Variants in C8orf89 observed in about 807,000 individuals in gnomAD.
The protein encoded by C8orf89 is putative uncharacterized protein C8orf89.
A neutral mutation model predicts 15.8 loss-of-function variants in C8orf89; 14 were observed. The observed-to-expected ratio is 0.89, with a 90% CI of 0.59 to 1.39. The LOEUF (loss-of-function observed/expected upper bound fraction) is 1.39. Among genes scored for constraint, C8orf89 ranks in the 40% most tolerant of loss-of-function variants. The pLI is 0.00. For missense variants in C8orf89, 181 were observed against 184.5 expected (o/e 0.98, Z 0.11); for synonymous variants, 55 against 62.2 (o/e 0.88, Z 0.54).
chr8:73,254,942 C>T (rs529650230), intron 2 of C8orf89, among the ~76,000 whole-genome samples: 1 of 152,274 alleles, frequency 6.6e-6, no homozygotes, highest in South Asian at 2.1e-4. Flanking sequence ...TGGATCCCTT[C>T]CTTACACCTT....
chr8:73,259,922 C>T (rs1813491532), upstream of C8orf89, among the ~76,000 whole-genome samples: 1 of 152,152 alleles, frequency 6.6e-6, no homozygotes, highest in Admixed American at 6.5e-5. Context: ...AAGACTACAT[C>T]CAAAGAGTAC....
chr8:73,281,313 TAGAAA>T, the C8orf89 span, among the ~76,000 whole-genome samples: 1 of 152,050 alleles, frequency 6.6e-6, no homozygotes, highest in Non-Finnish European at 1.5e-5. Context: ...TTTCTTATAA[TAGAAA>T]AGAGAATGAA....
intron 2 of C8orf89, among the ~76,000 whole-genome samples, chr8:73,250,910 T>C (rs1186213744): frequency 2.0e-5 from 3 of 151,982 alleles, no homozygotes; most frequent in African/African-American, 7.3e-5. Context: ...GCAATTTTCC[T>C]GCGTCAGCTT....
At chr8:73,285,929 C>T in the C8orf89 span, among the ~76,000 whole-genome samples, 3 of 152,310 alleles carry the variant, frequency 2.0e-5, no homozygotes, top group Non-Finnish European at 4.4e-5. Flanking sequence ...GAGGCTGCAG[C>T]GCTGCCTGCC....
the C8orf89 span, among the ~76,000 whole-genome samples, chr8:73,278,721 A>G: frequency 1.3e-5 from 2 of 152,178 alleles, no homozygotes; most frequent in Admixed American, 6.5e-5. Flanking sequence ...TGTTGATACT[A>G]TATCTATTAT....
At chr8:73,268,058 A>G in the C8orf89 span, among the ~76,000 whole-genome samples, 1 of 152,370 alleles carries the variant, frequency 6.6e-6, no homozygotes, top group Non-Finnish European at 1.5e-5. Context: ...CGGGGATACA[A>G]TCAGCAAAAT....
chr8:73,271,379 ACT>A, the C8orf89 span, among the ~76,000 whole-genome samples: 119 of 152,024 alleles, frequency 7.8e-4, no homozygotes, highest in Non-Finnish European at 1.5e-3. Flanking sequence ...GTGAGTTCTC[ACT>A]CTCATGAGAC....
chr8:73,254,289 G>T (rs1278487108), intron 2 of C8orf89, among the ~76,000 whole-genome samples: 2 of 151,982 alleles, frequency 1.3e-5, no homozygotes, highest in Admixed American at 1.3e-4. Flanking sequence ...AAGCCCACTT[G>T]ATCATGGTGG....
chr8:73,257,795 A>G (rs570589719), intron 1 of C8orf89, among the ~76,000 whole-genome samples: 2 of 152,318 alleles, frequency 1.3e-5, no homozygotes, highest in African/African-American at 4.8e-5. Context: ...AACATAGAGA[A>G]TTTTTTTGAA....
intron 1 of C8orf89, among the ~76,000 whole-genome samples, chr8:73,257,569 G>A (rs559504075): frequency 1.3e-5 from 2 of 152,232 alleles, no homozygotes; most frequent in East Asian, 3.9e-4. Context: ...GAGAGTCAAA[G>A]AATTATACTT....
At chr8:73,268,042 G>A in the C8orf89 span, among the ~76,000 whole-genome samples, 1 of 152,128 alleles carries the variant, frequency 6.6e-6, no homozygotes, top group Non-Finnish European at 1.5e-5. Flanking sequence ...ATATTAAATG[G>A]CATCGCGGGG....
At chr8:73,276,490 C>T in the C8orf89 span, among the ~76,000 whole-genome samples, 1 of 152,028 alleles carries the variant, frequency 6.6e-6, no homozygotes, top group Non-Finnish European at 1.5e-5. Context: ...CTGATGCATA[C>T]TTTTATTAAA....
At chr8:73,241,641 A>C in intron 3 of C8orf89, 36 bp from the exon 4 acceptor site, 1 of 1,446,288 alleles carries the variant, frequency 6.9e-7, no homozygotes, top group Middle Eastern at 1.8e-4. Context: ...TATTAAAATG[A>C]ATTAAGCACA....
the C8orf89 span, among the ~76,000 whole-genome samples, chr8:73,271,763 T>C: frequency 6.6e-6 from 1 of 152,234 alleles, no homozygotes; most frequent in Non-Finnish European, 1.5e-5. Flanking sequence ...AAGAGGATTA[T>C]TGGGCTTACA....
upstream of C8orf89, among the ~76,000 whole-genome samples, chr8:73,260,464 A>G (rs1212813385): frequency 6.6e-6 from 1 of 152,196 alleles, no homozygotes; most frequent in Admixed American, 6.5e-5. Flanking sequence ...GCAGCACACC[A>G]GCATGGCACA....
chr8:73,274,765 A>G, the C8orf89 span, among the ~76,000 whole-genome samples: 1 of 152,144 alleles, frequency 6.6e-6, no homozygotes, highest in Non-Finnish European at 1.5e-5. Context: ...GAGTTGTTTG[A>G]TATCTTATTA....
At chr8:73,273,472 T>C in the C8orf89 span, among the ~76,000 whole-genome samples, 2 of 152,214 alleles carry the variant, frequency 1.3e-5, no homozygotes, top group African/African-American at 2.4e-5. Context: ...GCCTGCCACC[T>C]TGGCCCTCTC....
chr8:73,271,810 G>T, the C8orf89 span, among the ~76,000 whole-genome samples: 1 of 152,070 alleles, frequency 6.6e-6, no homozygotes, highest in East Asian at 1.9e-4. Flanking sequence ...AATCATGAGG[G>T]GGGAAACCAC....
At chr8:73,271,550 C>T in the C8orf89 span, among the ~76,000 whole-genome samples, 3 of 152,316 alleles carry the variant, frequency 2.0e-5, no homozygotes, top group Middle Eastern at 0.01. Context: ...CAGAAGCCAA[C>T]CAGATGCCAG....
Sources: gnomAD v4.1 joint callset for allele counts (sites outside exome capture counted in the v4.1 genomes callset) on GRCh38, gnomAD v4.1.1 for gene constraint, MANE v1.5 for transcripts, NCBI Gene and HGNC (gene_info 2026-07-23, HGNC 2026-07-21) for gene names.